Variants in ERG observed in about 807,000 individuals in gnomAD.
ERG encodes the protein transcriptional regulator ERG.
Under a neutral mutation model 55.3 loss-of-function variants are expected in ERG, and 9 were observed. The observed-to-expected ratio is 0.16, with a 90% CI of 0.10 to 0.28. The LOEUF is 0.28. Among genes scored for constraint, ERG ranks in the 10% least tolerant of loss-of-function variants. The pLI is 1.00. For missense variants in ERG, 434 were observed against 631.6 expected (o/e 0.69, Z 3.35); for synonymous variants, 223 against 237.3 (o/e 0.94, Z 0.55).
At chr21:38,384,792 T>C (rs1987615535) in intron 9 of ERG, among the ~76,000 whole-genome samples, 1 of 151,988 alleles carries the variant, frequency 6.6e-6, no homozygotes, top group South Asian at 2.1e-4. Flanking sequence ...GTGAAAACTT[T>C]TCCTAGAACA....
At chr21:38,501,812 G>C (rs914698297), upstream of ERG, among the ~76,000 whole-genome samples, 1 of 152,112 alleles carries the variant, frequency 6.6e-6, no homozygotes, top group Non-Finnish European at 1.5e-5. Flanking sequence ...CATCCCCTGT[G>C]AATCTGCCAA....
chr21:38,556,037 C>A (rs1190602803), intron 2 of ERG, among the ~76,000 whole-genome samples: 3 of 151,944 alleles, frequency 2.0e-5, no homozygotes, highest in Non-Finnish European at 4.4e-5. Context: ...AGCCAAGAAT[C>A]TGAAGCCAAC....
intron 2 of ERG, among the ~76,000 whole-genome samples, chr21:38,432,470 T>C (rs1467656649): frequency 1.3e-5 from 2 of 152,232 alleles, no homozygotes; most frequent in Non-Finnish European, 1.5e-5. Context: ...GAGCACCAAA[T>C]GCACTGTGGG....
intron 1 of ERG, among the ~76,000 whole-genome samples, chr21:38,647,545 A>G (rs1192095320): frequency 6.6e-6 from 1 of 152,246 alleles, no homozygotes. Flanking sequence ...AGGAAAAAAA[A>G]TCAGAAAATG....
At chr21:38,444,199 C>A (rs1036200104) in intron 2 of ERG, among the ~76,000 whole-genome samples, 1 of 152,090 alleles carries the variant, frequency 6.6e-6, no homozygotes, top group East Asian at 1.9e-4. Flanking sequence ...ACAAAAAGGC[C>A]CCATTACAGC....
intron 2 of ERG, among the ~76,000 whole-genome samples, chr21:38,573,359 A>G (rs1286569108): frequency 4.6e-5 from 7 of 152,232 alleles, no homozygotes; most frequent in Non-Finnish European, 8.8e-5. Flanking sequence ...CAGTTGAGAT[A>G]GAGGAAGGCC....
In ERG at chr21:38,605,597, C is replaced by T. The variant is rs150971953; in HGVS notation, c.-149-20652G>A. On this transcript the variant is annotated intron_variant, in intron 1 of 10. Coordinates refer to the ERG transcript ENST00000398910. ...AGTGCTAGCTGAATCCACAGGAACC[C>T]ATAGGGATTTGGGTCACAAGTGCAA... Among the ~76,000 whole-genome samples the T allele has an allele frequency of 2.5e-3, 388 of 152,244 alleles. 3 individuals are homozygous for T. The highest frequency in any genetic ancestry group is 8.6e-3 in the African/African-American group (359 of 41,540).
intron 1 of ERG, among the ~76,000 whole-genome samples, chr21:38,601,045 G>A (rs2060161636): frequency 6.6e-6 from 1 of 152,148 alleles, no homozygotes; most frequent in East Asian, 1.9e-4. Context: ...ACACCACCCA[G>A]GGTTATCACC....
At chr21:38,609,990 A>G (rs1426150217) in intron 1 of ERG, among the ~76,000 whole-genome samples, 9 of 152,236 alleles carry the variant, frequency 5.9e-5, no homozygotes, top group Admixed American at 3.3e-4. Flanking sequence ...AAGTTACTTA[A>G]ATGCTCCAAG....
chr21:38,658,655 A>G (rs927137804), intron 1 of ERG, among the ~76,000 whole-genome samples: 4 of 152,240 alleles, frequency 2.6e-5, no homozygotes, highest in Non-Finnish European at 5.9e-5. Context: ...AAAGATACAT[A>G]ACGTATAACA....
At chr21:38,620,706 A>G (rs1316659156) in intron 1 of ERG, among the ~76,000 whole-genome samples, 1 of 152,206 alleles carries the variant, frequency 6.6e-6, no homozygotes, top group African/African-American at 2.4e-5. Flanking sequence ...CGTGGACTCT[A>G]TCATTCACTA....
chr21:38,659,707 T>C (rs2060540541), intron 1 of ERG, among the ~76,000 whole-genome samples: 1 of 152,250 alleles, frequency 6.6e-6, no homozygotes, highest in African/African-American at 2.4e-5. Flanking sequence ...GAAACTATCT[T>C]TAGATTAACG....
At chr21:38,367,841 C>T in the ERG span, among the ~76,000 whole-genome samples, 1 of 152,200 alleles carries the variant, frequency 6.6e-6, no homozygotes, top group Admixed American at 6.5e-5. Flanking sequence ...AACTCTCAGC[C>T]ACCTCCCAGG....
chr21:38,426,107 G>A (rs184143785), intron 2 of ERG, among the ~76,000 whole-genome samples: 3 of 152,332 alleles, frequency 2.0e-5, no homozygotes, highest in Admixed American at 6.5e-5. Context: ...GGAATGCACA[G>A]CCCTGCCTGA....
intron 1 of ERG, chr21:38,575,888 T>C (rs1030579572): frequency 1.5e-6 from 1 of 648,452 alleles, no homozygotes; most frequent in Non-Finnish European, 2.7e-6. Context: ...AGGCATCCTC[T>C]AGGTACGTGT....
Position 38,380,382 on chromosome 21 carries a change from C to A in ERG, c.*3021G>T. 1 of 1,061,206 alleles carries A rather than the reference C, an allele frequency of 9.4e-7. No homozygotes were observed. Among genetic ancestry groups the A allele is most frequent in the Non-Finnish European group, 1.1e-6 (1 of 876,774 alleles). The allele number at this position is 1,061,206 out of a possible 1,614,324, so 65.7% of individuals were successfully genotyped here. The stretch of plus-strand genomic sequence containing the variant: ...TGACAAAGCACTTTGTGAACCCCTC[C>A]GGGACATAAGGGCATCAAACTAGGA... On this transcript the variant is annotated 3_prime_UTR_variant, in exon 10 of 10. Coordinates refer to ENST00000288319, the MANE Select transcript of ERG (RefSeq NM_182918.4).
chr21:38,424,003 A>G (rs1335836978), intron 2 of ERG, among the ~76,000 whole-genome samples: 1 of 151,768 alleles, frequency 6.6e-6, no homozygotes, highest in East Asian at 1.9e-4. Flanking sequence ...AAAGAAAAGA[A>G]ATGCCGAAAA....
At chr21:38,656,403 C>T (rs1240539341) in intron 1 of ERG, among the ~76,000 whole-genome samples, 1 of 152,164 alleles carries the variant, frequency 6.6e-6, no homozygotes, top group East Asian at 1.9e-4. Flanking sequence ...TTGGGATTCT[C>T]TTACTGTCCA....
intron 1 of ERG, among the ~76,000 whole-genome samples, chr21:38,630,615 T>C (rs1282231044): frequency 1.3e-5 from 2 of 152,258 alleles, no homozygotes; most frequent in Admixed American, 1.3e-4. Context: ...CAATGTTGAC[T>C]TTGTTCTGGG....
Sources: gnomAD v4.1 joint callset for allele counts (sites outside exome capture counted in the v4.1 genomes callset) on GRCh38, gnomAD v4.1.1 for gene constraint, MANE v1.5 for transcripts, NCBI Gene and HGNC (gene_info 2026-07-23, HGNC 2026-07-21) for gene names.